The following TAX1BP1 variants were observed in gnomAD, a reference collection of about 807,000 sequenced individuals.
TAX1BP1 encodes the protein tax1-binding protein 1.
TAX1BP1 carries 62 observed loss-of-function variants against 97.7 expected under a neutral mutation model. The ratio of observed to expected loss-of-function variants is 0.63; its 90% CI spans 0.52 to 0.78. TAX1BP1 has a LOEUF of 0.78. Ranked by LOEUF, TAX1BP1 falls within the 30% of genes least tolerant of loss-of-function variation. The pLI is 0.00. For synonymous variants in TAX1BP1, 340 were observed against 304.2 expected (o/e 1.12, Z -1.23); for missense variants, 867 against 916.1 (o/e 0.95, Z 0.69).
At chr7:27,780,541 T>C (rs984262509) in intron 5 of TAX1BP1, among the ~76,000 whole-genome samples, 3 of 152,186 alleles carry the variant, frequency 2.0e-5, no homozygotes, top group Admixed American at 6.5e-5. Flanking sequence ...ATTGTTATCA[T>C]AGCATTAGGT....
intron 16 of TAX1BP1, among the ~76,000 whole-genome samples, 170 bp from the exon 17 acceptor site, chr7:27,828,458 T>C (rs1374811210): frequency 1.3e-5 from 2 of 152,214 alleles, no homozygotes; most frequent in Non-Finnish European, 2.9e-5. Flanking sequence ...TACACAATTG[T>C]CTACAGCAAG....
chr7:27,806,383 T>G (rs1441427375), intron 13 of TAX1BP1, among the ~76,000 whole-genome samples: 2 of 151,640 alleles, frequency 1.3e-5, no homozygotes, highest in African/African-American at 2.4e-5. Context: ...ACCATCAGTT[T>G]TTTTTTTTTT....
At chr7:27,769,170 T>C (rs186035894) in intron 4 of TAX1BP1, among the ~76,000 whole-genome samples, 145 of 152,036 alleles carry the variant, frequency 9.5e-4, no homozygotes, top group Admixed American at 5.4e-3. Flanking sequence ...CCATTTTATA[T>C]ATAGAAACTA....
At chr7:27,760,616 G>A (rs1384953840) in intron 3 of TAX1BP1, among the ~76,000 whole-genome samples, 4 of 151,628 alleles carry the variant, frequency 2.6e-5, no homozygotes, top group Admixed American at 2.0e-4. Context: ...GGGTGGTCTC[G>A]ATCTCCTGAC....
chr7:27,753,982 C>T (rs1190316647), intron 2 of TAX1BP1, among the ~76,000 whole-genome samples: 3 of 152,142 alleles, frequency 2.0e-5, no homozygotes, highest in African/African-American at 7.2e-5. Flanking sequence ...CTCTGAGATA[C>T]TGTTCTAATT....
At chr7:27,770,869 A>T (rs1788818703) in intron 5 of TAX1BP1, among the ~76,000 whole-genome samples, 1 of 152,048 alleles carries the variant, frequency 6.6e-6, no homozygotes, top group African/African-American at 2.4e-5. Flanking sequence ...TGAAGTCTTC[A>T]ATTCTGTCTT....
intron 13 of TAX1BP1, 33 bp from the exon 14 acceptor site, chr7:27,816,316 T>C (rs1242943081): frequency 6.8e-7 from 1 of 1,481,028 alleles, no homozygotes; most frequent in Admixed American, 2.5e-5. Context: ...TTTTATTGCT[T>C]TGCTTATTCA....
rs1455049601 is a variant in TAX1BP1, at chr7:27,816,354, TAAAAG to T, written c.1771_1775del (p.Lys591GlufsTer45). Reference sequence around the variant, plus strand: ...TTTGTTTTTGTTAATTTTAGGAACTTAAAAGGAGTCTAGAAAATCCAGCAGAAAGG... The same window carrying T: ...TTTGTTTTTGTTAATTTTAGGAACTTGAGTCTAGAAAATCCAGCAGAAAGG... On this transcript the variant is annotated frameshift_variant, in exon 14 of 17. Coordinates refer to ENST00000396319, the MANE Select transcript of TAX1BP1 (RefSeq NM_006024.7). LOFTEE classifies it high-confidence loss of function. 6.4e-7 allele frequency: 1 copy of T among 1,572,140 alleles called. No homozygotes were observed. Among genetic ancestry groups the T allele is most frequent in the Non-Finnish European group, 8.6e-7 (1 of 1,167,970 alleles).
At chr7:27,814,109 T>C (rs1212639913) in intron 13 of TAX1BP1, among the ~76,000 whole-genome samples, 4 of 149,484 alleles carry the variant, frequency 2.7e-5, no homozygotes, top group Non-Finnish European at 4.5e-5. Context: ...TTTTTTTTTT[T>C]CTTTTTTTTG....
At chr7:27,745,379 G>C (rs1243708013) in intron 1 of TAX1BP1, among the ~76,000 whole-genome samples, 1 of 152,118 alleles carries the variant, frequency 6.6e-6, no homozygotes, top group Non-Finnish European at 1.5e-5. Context: ...ATCTGTAGGA[G>C]GAGTGAACCA....
chr7:27,791,158 C>G (rs1789691762), intron 8 of TAX1BP1, among the ~76,000 whole-genome samples: 1 of 151,996 alleles, frequency 6.6e-6, no homozygotes, highest in Non-Finnish European at 1.5e-5. Context: ...TAGTGTGATG[C>G]CTCCGAAGAT....
chr7:27,772,275 C>T (rs1788875388), intron 5 of TAX1BP1: 2 of 151,916 alleles, frequency 1.3e-5, no homozygotes, highest in African/African-American at 4.8e-5. Flanking sequence ...CTTATAAAAT[C>T]TGTGACATTT....
At chr7:27,767,906 C>G (rs1370491240) in intron 4 of TAX1BP1, among the ~76,000 whole-genome samples, 1 of 151,920 alleles carries the variant, frequency 6.6e-6, no homozygotes, top group Non-Finnish European at 1.5e-5. Flanking sequence ...AAAATTCTCA[C>G]ATTCATTAAA....
chr7:27,811,776 C>A (rs1016143096), intron 13 of TAX1BP1, among the ~76,000 whole-genome samples: 1 of 152,138 alleles, frequency 6.6e-6, no homozygotes, highest in Non-Finnish European at 1.5e-5. Context: ...CCTGCTACCC[C>A]CCTGTCCTAG....
intron 15 of TAX1BP1, among the ~76,000 whole-genome samples, chr7:27,824,708 T>C (rs942311169): frequency 1.8e-4 from 28 of 152,194 alleles, no homozygotes; most frequent in African/African-American, 6.8e-4. Context: ...GTAGCTTGTT[T>C]CCTTTGCTTA....
Position 27,792,211 on chromosome 7 carries a change from A to T in TAX1BP1, c.1244A>T (p.Asn415Ile). 6.2e-7 allele frequency: 1 copy of T among 1,611,102 alleles called. No homozygotes were observed. Among genetic ancestry groups the T allele is most frequent in the African/African-American group, 1.3e-5 (1 of 74,916 alleles). ...LADAVAELKL[N>I]AMKKDQDKTD... The stretch of plus-strand genomic sequence containing the variant: ...GATGCAGTGGCAGAACTTAAACTAA[A>T]TGCTATGAAAAAAGATCAGGTAAAA... Residue 415 changes from asparagine to isoleucine, a missense_variant, in exon 9 of 17, where the codon AAT becomes ATT. Asn to Ile is a moderately radical substitution (Grantham distance 149). This residue lies in a region of TAX1BP1 where 822 missense variants were observed against 851.4 expected (regional missense o/e 0.97). Coordinates refer to ENST00000396319, the MANE Select transcript of TAX1BP1 (RefSeq NM_006024.7).
intron 5 of TAX1BP1, among the ~76,000 whole-genome samples, chr7:27,781,494 A>T (rs1789257595): frequency 6.6e-6 from 1 of 152,160 alleles, no homozygotes; most frequent in Non-Finnish European, 1.5e-5. Flanking sequence ...ACATATCTAG[A>T]TATCTTAGAA....
chr7:27,748,770 C>T lies in TAX1BP1; in HGVS notation c.162+84C>T, dbSNP rs537870269. On this transcript the variant is annotated intron_variant, in intron 2 of 16. Transcript: ENST00000396319. ...AGATTGATAAGTAGCTTTTACTTGC[C>T]TTAACTCTGCATTAAGACTCATTTT... 38 of 1,085,336 alleles carry T rather than the reference C, an allele frequency of 3.5e-5. No homozygotes were observed. In the Middle Eastern group the frequency reaches 1.4e-3, roughly 39 times the overall value. 67.2% of individuals were successfully genotyped at this position (1,085,336 alleles called of 1,614,324 possible).
At chr7:27,791,832 A>G (rs944471129) in intron 8 of TAX1BP1, among the ~76,000 whole-genome samples, 174 bp from the exon 9 acceptor site, 6 of 152,184 alleles carry the variant, frequency 3.9e-5, no homozygotes, top group African/African-American at 1.2e-4. Flanking sequence ...TTATAGAGGG[A>G]ACCTAAAACA....
Sources: allele counts gnomAD v4.1 joint callset (sites outside exome capture counted in the v4.1 genomes callset), GRCh38; gene constraint gnomAD v4.1.1; regional missense constraint gnomAD v4.1.1; transcripts MANE v1.5; gene names NCBI Gene and HGNC (gene_info 2026-07-23, HGNC 2026-07-21).